Variants in PTPN22 observed in about 807,000 individuals in gnomAD.
The protein encoded by PTPN22 is protein tyrosine phosphatase non-receptor type 22.
Under a neutral mutation model 103.3 loss-of-function variants are expected in PTPN22, and 85 were observed. The ratio of observed to expected loss-of-function variants is 0.82; its 90% CI spans 0.69 to 0.99. PTPN22 has a LOEUF of 0.99. PTPN22 is among the 50% of genes least tolerant of loss of function. PTPN22 has a pLI of 0.00. For missense variants in PTPN22, 865 were observed against 936.9 expected, an observed-to-expected ratio of 0.92 and a Z score of 1.00; for synonymous variants, 323 against 310.2, an observed-to-expected ratio of 1.04 and a Z score of -0.43.
intron 10 of PTPN22, among the ~76,000 whole-genome samples, chr1:113,848,985 T>C (rs898746987): frequency 9.9e-5 from 15 of 152,212 alleles, no homozygotes; most frequent in African/African-American, 3.4e-4. Context: ...TATTTCATTC[T>C]AGATGGATTT....
At chr1:113,869,904 T>C (rs77674747) in intron 1 of PTPN22, among the ~76,000 whole-genome samples, 8 of 152,182 alleles carry the variant, frequency 5.3e-5, no homozygotes, top group African/African-American at 1.9e-4. Context: ...CCAGTGGCAG[T>C]GAGAGCACAT....
At chr1:113,835,228 C>G (rs1482063928) in intron 13 of PTPN22, among the ~76,000 whole-genome samples, 2 of 152,046 alleles carry the variant, frequency 1.3e-5, no homozygotes, top group Non-Finnish European at 1.5e-5. Context: ...TTTAAAAGCT[C>G]AAAAGTAGGG....
chr1:113,854,484 A>G (rs1230924605), exon 9 of PTPN22: 1 of 1,613,758 alleles, frequency 6.2e-7, no homozygotes, highest in South Asian at 1.1e-5. Context: ...ATCTTTTAGC[A>G]ACATCCATGT....
intron 1 of PTPN22, among the ~76,000 whole-genome samples, chr1:113,869,989 A>G (rs1424944474): frequency 2.6e-5 from 4 of 152,126 alleles, no homozygotes; most frequent in Non-Finnish European, 5.9e-5. Flanking sequence ...TCACTCAATA[A>G]TATCTAATTA....
chr1:113,856,004 A>C (rs1665029283), intron 7 of PTPN22, among the ~76,000 whole-genome samples: 1 of 152,016 alleles, frequency 6.6e-6, no homozygotes, highest in African/African-American at 2.4e-5. Flanking sequence ...TATTATAACA[A>C]TGGTCTCTTC....
chr1:113,864,945 T>C (rs1665995803), intron 1 of PTPN22, among the ~76,000 whole-genome samples: 2 of 151,474 alleles, frequency 1.3e-5, no homozygotes, highest in Admixed American at 1.3e-4. Flanking sequence ...AAATGTTATC[T>C]AGGTAAAGAG....
intron 1 of PTPN22, among the ~76,000 whole-genome samples, chr1:113,861,200 C>T (rs893803016): frequency 6.6e-6 from 1 of 152,088 alleles, no homozygotes; most frequent in Admixed American, 6.6e-5. Context: ...GGTCATACCA[C>T]TGTGAAGTCT....
intron 1 of PTPN22, among the ~76,000 whole-genome samples, chr1:113,861,867 G>C (rs1665639603): frequency 6.6e-6 from 1 of 152,178 alleles, no homozygotes; most frequent in Non-Finnish European, 1.5e-5. Flanking sequence ...GTTTAAGTTT[G>C]TGAAGAAAAG....
chr1:113,857,811 A>G (rs764150706), intron 4 of PTPN22, 35 bp from the exon 5 acceptor site: 8 of 1,570,766 alleles, frequency 5.1e-6, no homozygotes, highest in Non-Finnish European at 2.6e-6. Flanking sequence ...TTAAACATTC[A>G]TATATAGTTA....
At chr1:113,843,750 G>C (rs1663810535) in intron 11 of PTPN22, among the ~76,000 whole-genome samples, 2 of 152,134 alleles carry the variant, frequency 1.3e-5, no homozygotes, top group African/African-American at 4.8e-5. Context: ...TCCTAGTATA[G>C]ACTGTATAAA....
Position 113,859,336 on chromosome 1 carries a change from G to A in PTPN22, c.196+16C>T, listed in dbSNP as rs375602035. 16 of 1,594,986 alleles carry A rather than the reference G, an allele frequency of 1.0e-5. No individual in the cohort carries two copies. Among genetic ancestry groups the A allele is most frequent in the African/African-American group, 2.7e-5 (2 of 74,394 alleles). ...TTGGGAGAAAGTATGAGTTTATAGA[G>A]AGAAATGGAACTTACAGGGCAAAAT... On this transcript the variant is annotated intron_variant, in intron 2 of 20. Transcript: ENST00000359785.
At chr1:113,838,487 G>A in intron 12 of PTPN22, 57 bp downstream of exon 12, 2 of 1,602,670 alleles carry the variant, frequency 1.2e-6, no homozygotes, top group Non-Finnish European at 1.7e-6. Context: ...GTATAAGCAT[G>A]AGATTCATCT....
At chr1:113,830,095 T>G (rs1469037109) in intron 16 of PTPN22, 66 bp from the exon 17 acceptor site, 1 of 1,110,810 alleles carries the variant, frequency 9.0e-7, no homozygotes, top group Non-Finnish European at 1.3e-6. Flanking sequence ...GTCAACACCC[T>G]TTTCTCTTTG....
chr1:113,823,748 C>T (rs1376932621), intron 19 of PTPN22, among the ~76,000 whole-genome samples: 1 of 152,214 alleles, frequency 6.6e-6, no homozygotes, highest in Non-Finnish European at 1.5e-5. Flanking sequence ...TTTCTTTGCA[C>T]TTGGCTGTTT....
chr1:113,837,049 T>C (rs1663079837), intron 13 of PTPN22, among the ~76,000 whole-genome samples: 1 of 152,188 alleles, frequency 6.6e-6, no homozygotes, highest in Non-Finnish European at 1.5e-5. Context: ...ATTGCCTCCA[T>C]TGTTGCCTGT....
intron 9 of PTPN22, among the ~76,000 whole-genome samples, chr1:113,853,178 T>C (rs2102072148): frequency 6.6e-6 from 1 of 152,044 alleles, no homozygotes; most frequent in Admixed American, 6.5e-5. Flanking sequence ...CCTCAGGTGA[T>C]CTGCCCACCT....
At chr1:113,833,429 C>T (rs969633813) in intron 15 of PTPN22, among the ~76,000 whole-genome samples, 1 of 152,094 alleles carries the variant, frequency 6.6e-6, no homozygotes, top group Non-Finnish European at 1.5e-5. Context: ...AGGTAAGTTG[C>T]GGAAATTGAA....
chr1:113,826,003 G>A (rs561349254), intron 18 of PTPN22, among the ~76,000 whole-genome samples: 2 of 152,118 alleles, frequency 1.3e-5, no homozygotes, highest in African/African-American at 4.8e-5. Context: ...GTGAGCCACC[G>A]TGGCCAGCCA....
At position 113,856,452 on chromosome 1, in the gene PTPN22, AAAG is replaced by A. The variant is rs746344929; in HGVS notation, c.481-14_481-12del. On this transcript the variant is annotated splice_polypyrimidine_tract_variant and intron_variant, in intron 6 of 20. Transcript: ENST00000359785. ...CCTTTTTTCAGCTTCCTAAAAAGAAAAAGAAGACTCAAGTATTAGTGATTGCAA... is the reference window on the plus strand; with the variant it reads ...CCTTTTTTCAGCTTCCTAAAAAGAAAAAGACTCAAGTATTAGTGATTGCAA... 6.2e-7 allele frequency: 1 copy of A among 1,609,254 alleles called. No individual in the cohort carries two copies. The highest frequency in any genetic ancestry group is 8.5e-7 in the Non-Finnish European group (1 of 1,177,718).
Sources: gnomAD v4.1 joint callset for allele counts (sites outside exome capture counted in the v4.1 genomes callset) on GRCh38, gnomAD v4.1.1 for gene constraint, MANE v1.5 for transcripts, NCBI Gene and HGNC (gene_info 2026-07-23, HGNC 2026-07-21) for gene names.